Variants in CUL4A observed in about 807,000 individuals in gnomAD.
CUL4A encodes the protein cullin-4A.
A neutral mutation model predicts 95.5 loss-of-function variants in CUL4A; 16 were observed. That is an observed-to-expected ratio of 0.17 (90% CI 0.11 to 0.25). The LOEUF (loss-of-function observed/expected upper bound fraction) is 0.25. CUL4A is among the 10% of genes least tolerant of loss of function. CUL4A has a pLI of 1.00. For missense variants in CUL4A, 610 were observed against 937.0 expected, an observed-to-expected ratio of 0.65 and a Z score of 4.56; for synonymous variants, 380 against 353.1, an observed-to-expected ratio of 1.08 and a Z score of -0.85.
intron 8 of CUL4A, 71 bp from the exon 9 acceptor site, chr13:113,236,752 C>T (rs2041558406): frequency 1.0e-6 from 1 of 998,986 alleles, no homozygotes; most frequent in Non-Finnish European, 1.6e-6. Flanking sequence ...ACAAATGCCC[C>T]CATCTTTTGC....
chr13:113,232,021 CCACCACCATTA>C (rs1566342665), intron 5 of CUL4A, among the ~76,000 whole-genome samples: 1 of 151,208 alleles, frequency 6.6e-6, no homozygotes, highest in African/African-American at 2.4e-5. Context: ...GCCACCACCA[CCACCACCATTA>C]CTGCTGCCAC....
chr13:113,262,265 T>C (rs2042300690), intron 19 of CUL4A, among the ~76,000 whole-genome samples: 1 of 152,212 alleles, frequency 6.6e-6, no homozygotes, highest in Non-Finnish European at 1.5e-5. Flanking sequence ...TGTGGATTCG[T>C]CTCCTCAGTC....
chr13:113,262,977 G>A (rs958725375), intron 19 of CUL4A: 5 of 142,290 alleles, frequency 3.5e-5, no homozygotes, highest in African/African-American at 1.4e-4. Flanking sequence ...GCTGATGGCA[G>A]ATGTCGGGTC....
chr13:113,237,299 C>T (rs187266892), intron 9 of CUL4A, among the ~76,000 whole-genome samples: 2 of 152,326 alleles, frequency 1.3e-5, no homozygotes, highest in East Asian at 1.9e-4. Flanking sequence ...GCTTCCCTCA[C>T]CTGCGGACTT....
intron 4 of CUL4A, among the ~76,000 whole-genome samples, 180 bp from the exon 5 acceptor site, chr13:113,229,266 T>C (rs1050300849): frequency 1.3e-5 from 2 of 151,636 alleles, no homozygotes; most frequent in African/African-American, 2.4e-5. Context: ...ATTAAAGAGA[T>C]GGAAATCACA....
chr13:113,224,103 A>G (rs1320297229), intron 3 of CUL4A, among the ~76,000 whole-genome samples: 1 of 152,210 alleles, frequency 6.6e-6, no homozygotes, highest in Non-Finnish European at 1.5e-5. Flanking sequence ...CTGTAATCCC[A>G]GTACTTTGGG....
At chr13:113,254,566 G>A in intron 16 of CUL4A, 127 bp from the exon 17 acceptor site, 1 of 605,924 alleles carries the variant, frequency 1.7e-6, no homozygotes, top group Non-Finnish European at 2.8e-6. Context: ...CTGCACTCCA[G>A]CCTGGGTGAC....
intron 3 of CUL4A, among the ~76,000 whole-genome samples, chr13:113,226,949 G>C (rs1433331067): frequency 6.6e-6 from 1 of 152,210 alleles, no homozygotes; most frequent in East Asian, 1.9e-4. Context: ...TCTGCCCTTT[G>C]TGAAGTGGGG....
Position 113,233,973 on chromosome 13 carries a change from T to C in CUL4A, c.752T>C (p.Met251Thr), listed in dbSNP as rs142598917. The stretch of plus-strand genomic sequence containing the variant: ...TATGCTGCCGAAGGCCAAAGGTTAA[T>C]GCAGGAAAGAGAGGTGAGATGATGG... ...CLYAAEGQRL[M>T]QEREVPEYLN... The change falls in exon 7 of 20, where the codon ATG (methionine) becomes ACG (threonine). Residue 251 changes from methionine (M) to threonine (T), a missense_variant. Coordinates refer to ENST00000375440, the MANE Select transcript of CUL4A (RefSeq NM_001008895.4). 1 of 1,609,512 alleles carries C rather than the reference T, an allele frequency of 6.2e-7. No homozygotes were observed. Among genetic ancestry groups the C allele is most frequent in the Non-Finnish European group, 8.5e-7 (1 of 1,176,706 alleles).
At position 113,220,669 on chromosome 13, in the gene CUL4A, A is replaced by G. The variant is rs545061648; in HGVS notation, c.368+1621A>G. 4.6e-5 allele frequency among the ~76,000 whole-genome samples: 7 copies of G among 152,346 alleles called. No homozygotes were observed. In the South Asian group the frequency reaches 1.0e-3, roughly 23 times the overall value. On this transcript the variant is annotated intron_variant, in intron 3 of 19. Coordinates refer to ENST00000375440, the MANE Select transcript of CUL4A (RefSeq NM_001008895.4). ...TCTAGTTGCTGTCCCAATTTACTTGAAAACGACTATCTGATTACCTGATCA... is the reference window on the plus strand; with the variant it reads ...TCTAGTTGCTGTCCCAATTTACTTGGAAACGACTATCTGATTACCTGATCA...
chr13:113,242,948 G>A lies in CUL4A; in HGVS notation c.1036-20G>A. On this transcript the variant is annotated intron_variant, in intron 10 of 19. Transcript: ENST00000375440. Reference sequence around the variant, plus strand: ...CTATTGTAAACATGTTGCTGAGTTGGTATTGATTTGCTTTTGTAGACTTTT... The same window carrying A: ...CTATTGTAAACATGTTGCTGAGTTGATATTGATTTGCTTTTGTAGACTTTT... 1 of 1,589,440 alleles carries A rather than the reference G, an allele frequency of 6.3e-7. No homozygotes were observed. Among genetic ancestry groups the A allele is most frequent in the Non-Finnish European group, 8.6e-7 (1 of 1,160,106 alleles).
intron 3 of CUL4A, chr13:113,219,754 T>C (rs1045485008): frequency 6.6e-6 from 1 of 152,284 alleles, no homozygotes; most frequent in African/African-American, 2.4e-5. Flanking sequence ...ATGACCTTCG[T>C]ATTCACAGCC....
At chr13:113,260,129 G>C (rs570933926) in intron 18 of CUL4A, among the ~76,000 whole-genome samples, 5 of 141,780 alleles carry the variant, frequency 3.5e-5, no homozygotes, top group Admixed American at 2.3e-4. Flanking sequence ...GCGTGAACCC[G>C]GGGGGCGGAG....
At chr13:113,255,736 T>G (rs1306116007) in intron 18 of CUL4A, among the ~76,000 whole-genome samples, 1 of 152,212 alleles carries the variant, frequency 6.6e-6, no homozygotes, top group East Asian at 1.9e-4. Flanking sequence ...CATGACTGGG[T>G]AACTCTGCTT....
chr13:113,240,776 C>T (rs1015845124), intron 10 of CUL4A, among the ~76,000 whole-genome samples: 2 of 152,030 alleles, frequency 1.3e-5, no homozygotes, highest in African/African-American at 4.8e-5. Context: ...GTCGGGGTTT[C>T]GGCCGAGGTC....
chr13:113,232,848 C>A (rs1238269338), intron 5 of CUL4A, among the ~76,000 whole-genome samples: 8 of 152,012 alleles, frequency 5.3e-5, no homozygotes, highest in Admixed American at 5.2e-4. Context: ...TGCCCAACTG[C>A]CTGAGTGTCT....
chr13:113,254,886 T>C (rs1566370365), intron 17 of CUL4A, 67 bp from the exon 18 acceptor site: 2 of 1,594,100 alleles, frequency 1.3e-6, no homozygotes, highest in East Asian at 4.5e-5. Flanking sequence ...GGTAGCATGA[T>C]TGGTTTACTG....
chr13:113,219,333 T>C (rs1302590057), intron 3 of CUL4A: 2 of 276,986 alleles, frequency 7.2e-6, no homozygotes, highest in Admixed American at 9.9e-5. Context: ...AAACACCATC[T>C]GCATTGGCTT....
intron 5 of CUL4A, 120 bp from the exon 6 acceptor site, chr13:113,233,057 A>G: frequency 2.9e-6 from 3 of 1,023,780 alleles, no homozygotes; most frequent in Non-Finnish European, 4.2e-6. Flanking sequence ...TGGCACCTAG[A>G]TGTAGAGAAT....
Sources: allele counts gnomAD v4.1 joint callset (sites outside exome capture counted in the v4.1 genomes callset), GRCh38; gene constraint gnomAD v4.1.1; transcripts MANE v1.5; gene names NCBI Gene and HGNC (gene_info 2026-07-23, HGNC 2026-07-21).